DGKH: variants seen among roughly 807,000 people sequenced by gnomAD.
DGKH encodes the protein DAG kinase eta.
A neutral mutation model predicts 159.3 loss-of-function variants in DGKH; 90 were observed. The ratio of observed to expected loss-of-function variants is 0.57; its 90% CI spans 0.48 to 0.67. The LOEUF is 0.67. DGKH is among the 30% of genes least tolerant of loss of function. DGKH has a pLI of 0.00. For missense variants in DGKH, 1,181 were observed against 1,506.1 expected (o/e 0.78, Z 3.57); for synonymous variants, 536 against 553.8 (o/e 0.97, Z 0.45).
chr13:42,128,688 T>C (rs1955222603), intron 2 of DGKH, among the ~76,000 whole-genome samples: 1 of 152,238 alleles, frequency 6.6e-6, no homozygotes, highest in South Asian at 2.1e-4. Context: ...TGATCTTCTA[T>C]AGCATTTCAT....
rs564260475 is a variant in DGKH, at chr13:42,117,719, G to A, written c.193-9744G>A. ...ATTAATACATGCTTATGTAAGATTT[G>A]AAGAATGTAATAATTCTATAGAAAA... is the stretch of plus-strand genomic sequence containing the variant. On this transcript the variant is annotated intron_variant, in intron 1 of 29. Coordinates refer to ENST00000337343, the MANE Select transcript of DGKH (RefSeq NM_178009.5). Among the ~76,000 whole-genome samples, 3 of 152,228 alleles carry A rather than the reference G, an allele frequency of 2.0e-5. No homozygotes were observed. The South Asian group carries it at 6.2e-4, about 32-fold the overall frequency.
rs1202534998 is a variant in DGKH, at chr13:42,233,021, T to G, written c.*3833T>G. On this transcript the variant is annotated 3_prime_UTR_variant, in exon 30 of 30. Coordinates refer to ENST00000337343, the MANE Select transcript of DGKH (RefSeq NM_178009.5). ...TGGCATGCGCCTGTAGTCCCAGCTA[T>G]TCTGAAGGCTGAGGTGGGAGGATTG... The G allele has an allele frequency of 6.6e-6, 1 of 152,262 alleles. No homozygotes were observed. The highest frequency in any genetic ancestry group is 1.5e-5 in the Non-Finnish European group (1 of 68,108). The allele number at this position is 152,262 out of a possible 1,614,324, so 9.4% of individuals were successfully genotyped here. A position where few individuals can be genotyped will look rare whatever the true frequency, so the allele number is the denominator to read the frequency against.
rs536073570 is a variant in DGKH, at chr13:42,234,537, C to T, written c.*5349C>T. ...TTAGGATCTCTCCTGTCTGCCCCCTCTACGCCCCACTCCAATTAACTCATC... is the reference window on the plus strand; with the variant it reads ...TTAGGATCTCTCCTGTCTGCCCCCTTTACGCCCCACTCCAATTAACTCATC... On this transcript the variant is annotated 3_prime_UTR_variant, in exon 30 of 30. Coordinates refer to ENST00000337343, the MANE Select transcript of DGKH (RefSeq NM_178009.5). 6 of 152,372 alleles carry T rather than the reference C, an allele frequency of 3.9e-5. No homozygotes were observed. The highest frequency in any genetic ancestry group is 1.4e-4 in the African/African-American group (6 of 41,568). The allele number at this position is 152,372 out of a possible 1,614,324, so 9.4% of individuals were successfully genotyped here.
At chr13:42,223,109 TG>T in intron 29 of DGKH, among the ~76,000 whole-genome samples, 1 of 152,244 alleles carries the variant, frequency 6.6e-6, no homozygotes, top group Non-Finnish European at 1.5e-5. Context: ...AAACAAGATG[TG>T]GGGGGTGGAT....
chr13:42,144,916 T>C (rs992422219), intron 3 of DGKH, among the ~76,000 whole-genome samples: 4 of 152,212 alleles, frequency 2.6e-5, no homozygotes, highest in Admixed American at 2.6e-4. Context: ...AGTGAATCCT[T>C]ATTACCTTCA....
At chr13:42,055,301 A>G (rs997384320) in intron 1 of DGKH, among the ~76,000 whole-genome samples, 2 of 152,194 alleles carry the variant, frequency 1.3e-5, no homozygotes, top group African/African-American at 4.8e-5. Flanking sequence ...TTTGTAGAAC[A>G]TTTTATTTTT....
chr13:42,073,109 G>T (rs1428063058), intron 1 of DGKH, among the ~76,000 whole-genome samples: 3 of 152,202 alleles, frequency 2.0e-5, no homozygotes. Context: ...CTAGTTTTGA[G>T]AAATTCTTTT....
chr13:42,192,406 G>T (rs145291372), intron 16 of DGKH, among the ~76,000 whole-genome samples: 38 of 152,156 alleles, frequency 2.5e-4, no homozygotes, highest in African/African-American at 7.7e-4. Context: ...GTAATTATTA[G>T]GTTTTATGAA....
At chr13:42,155,972 A>G (rs1018615767) in intron 5 of DGKH, among the ~76,000 whole-genome samples, 173 bp downstream of exon 5, 1 of 152,044 alleles carries the variant, frequency 6.6e-6, no homozygotes, top group African/African-American at 2.4e-5. Flanking sequence ...ACATCAAAAT[A>G]CAGCATTTCA....
intron 24 of DGKH, among the ~76,000 whole-genome samples, chr13:42,214,231 A>G (rs1327077252): frequency 1.3e-5 from 2 of 152,166 alleles, no homozygotes; most frequent in Non-Finnish European, 2.9e-5. Context: ...GTATTACTAT[A>G]TTTCATTCTT....
At chr13:42,110,672 A>T (rs1954847334) in intron 1 of DGKH, among the ~76,000 whole-genome samples, 1 of 152,150 alleles carries the variant, frequency 6.6e-6, no homozygotes, top group Admixed American at 6.5e-5. Context: ...CAGTTACGGG[A>T]AGGATTTGTG....
chr13:42,195,929 T>C (rs1173935087), intron 17 of DGKH: 4 of 152,188 alleles, frequency 2.6e-5, no homozygotes, highest in Admixed American at 6.5e-5. Context: ...CCAGAACATA[T>C]AAAGAACCCT....
At chr13:42,216,415 G>A (rs1446550563) in intron 26 of DGKH, among the ~76,000 whole-genome samples, 1 of 152,108 alleles carries the variant, frequency 6.6e-6, no homozygotes, top group Non-Finnish European at 1.5e-5. Flanking sequence ...TGGTTAATTG[G>A]TAGTTGATGA....
chr13:42,246,047 A>G (rs1204981856), downstream of DGKH, among the ~76,000 whole-genome samples: 5 of 152,268 alleles, frequency 3.3e-5, no homozygotes, highest in Non-Finnish European at 7.3e-5. Flanking sequence ...CTAGCAAGTT[A>G]GAATTTTCAC....
chr13:42,113,847 T>C (rs1391141964), intron 1 of DGKH, among the ~76,000 whole-genome samples: 1 of 152,094 alleles, frequency 6.6e-6, no homozygotes, highest in Non-Finnish European at 1.5e-5. Flanking sequence ...AGCAATGTTA[T>C]GATAGGAGAC....
At chr13:42,047,816 C>T (rs1000552560), upstream of DGKH, among the ~76,000 whole-genome samples, 2 of 152,104 alleles carry the variant, frequency 1.3e-5, no homozygotes, top group Admixed American at 6.6e-5. Flanking sequence ...TGTTTTCTTC[C>T]AGGCAATCTC....
chr13:42,121,725 A>G (rs1195366654), intron 1 of DGKH, among the ~76,000 whole-genome samples: 1 of 152,208 alleles, frequency 6.6e-6, no homozygotes, highest in East Asian at 1.9e-4. Context: ...ATTCAGACAC[A>G]TGAGACTATA....
intron 3 of DGKH, among the ~76,000 whole-genome samples, chr13:42,131,628 G>C (rs1294396945): frequency 6.6e-6 from 1 of 152,220 alleles, no homozygotes; most frequent in Non-Finnish European, 1.5e-5. Flanking sequence ...TTACTAAGTA[G>C]TGAGTGGTGT....
At chr13:42,144,193 A>G (rs988604412) in intron 3 of DGKH, among the ~76,000 whole-genome samples, 2 of 152,266 alleles carry the variant, frequency 1.3e-5, no homozygotes, top group East Asian at 3.9e-4. Flanking sequence ...TGAAAGCCAG[A>G]ATCTTTGGTG....
Sources: gnomAD v4.1 joint callset for allele counts (sites outside exome capture counted in the v4.1 genomes callset) on GRCh38, gnomAD v4.1.1 for gene constraint, MANE v1.5 for transcripts, NCBI Gene and HGNC (gene_info 2026-07-23, HGNC 2026-07-21) for gene names.